RBPMS2: variants seen among roughly 807,000 people sequenced by gnomAD.
RBPMS2 encodes the protein RNA binding protein, mRNA processing factor 2.
In RBPMS2, 14 loss-of-function variants were observed where a neutral mutation model predicts 25.7. The observed-to-expected ratio is 0.55, with a 90% CI of 0.36 to 0.85. RBPMS2 has a LOEUF of 0.85. RBPMS2 is among the 40% of genes least tolerant of loss of function. RBPMS2 has a pLI of 0.01. For synonymous variants in RBPMS2, 127 were observed against 115.6 expected (o/e 1.10, Z -0.63); for missense variants, 252 against 283.4 (o/e 0.89, Z 0.80).
At chr15:64,748,860 G>A (rs1436662235) in intron 5 of RBPMS2, 140 bp downstream of exon 5, 2 of 941,328 alleles carry the variant, frequency 2.1e-6, no homozygotes, top group African/African-American at 1.7e-5. Flanking sequence ...TGCAGGGGAG[G>A]GAGGAAAACC....
chr15:64,760,372 T>C (rs1453062736), intron 1 of RBPMS2, among the ~76,000 whole-genome samples: 3 of 152,218 alleles, frequency 2.0e-5, no homozygotes, highest in Admixed American at 6.5e-5. Context: ...ACTTCTCAGA[T>C]ACTGTGACCA....
intron 1 of RBPMS2, among the ~76,000 whole-genome samples, chr15:64,768,110 C>G (rs531730940): frequency 3.3e-5 from 5 of 152,208 alleles, no homozygotes; most frequent in African/African-American, 1.2e-4. Context: ...GAGCAAGAAT[C>G]GTTTCTTTAG....
Position 64,740,272 on chromosome 15 carries a change from C to T in RBPMS2, c.*736G>A, listed in dbSNP as rs1189638480. 2 of 152,216 alleles carry T rather than the reference C, an allele frequency of 1.3e-5. No homozygotes were observed. The highest frequency in any genetic ancestry group is 1.9e-4 in the East Asian group (1 of 5,200). 9.4% of individuals were successfully genotyped at this position (152,216 alleles called of 1,614,324 possible). A position where few individuals can be genotyped will look rare whatever the true frequency, so the allele number is the denominator to read the frequency against. On this transcript the variant is annotated 3_prime_UTR_variant, in exon 8 of 8. Transcript: ENST00000300069. The stretch of plus-strand genomic sequence containing the variant: ...ACACAGGGTACAAAAATACTTCTCA[C>T]GTTTTGGTTGGTTTCGAGGTTTGGA...
intron 6 of RBPMS2, among the ~76,000 whole-genome samples, chr15:64,742,972 G>C (rs1416265633): frequency 4.6e-5 from 7 of 152,220 alleles, no homozygotes; most frequent in African/African-American, 1.7e-4. Flanking sequence ...AGCTCAGCGG[G>C]AAGTTAGAAA....
chr15:64,773,738 A>G (rs2083907650), intron 1 of RBPMS2, among the ~76,000 whole-genome samples: 1 of 151,914 alleles, frequency 6.6e-6, no homozygotes, highest in Non-Finnish European at 1.5e-5. Context: ...TATAGGAGAC[A>G]TGCTCTCCCC....
Position 64,749,434 on chromosome 15 carries a change from C to T in RBPMS2, c.264G>A (p.Leu88=), listed in dbSNP as rs2083653831. 1 of 1,613,312 alleles carries T rather than the reference C, an allele frequency of 6.2e-7. No homozygotes were observed. Among genetic ancestry groups the T allele is most frequent in the Non-Finnish European group, 8.5e-7 (1 of 1,179,642 alleles). The part of the protein sequence containing the change: ...RAGAEAAKNA[L]NGIRFDPENP... ...GACCTGTTCTCCACCTACTCACGTT[C>T]AGCGCATTCTTGGCCGCTTCTGCTC... The change falls in exon 4 of 8, where the codon CTG becomes CTA. Residue 88 remains leucine (L), a synonymous_variant. Coordinates refer to ENST00000300069, the MANE Select transcript of RBPMS2 (RefSeq NM_194272.3).
chr15:64,772,558 A>T (rs2083899780), intron 1 of RBPMS2, among the ~76,000 whole-genome samples: 1 of 152,202 alleles, frequency 6.6e-6, no homozygotes, highest in Admixed American at 6.5e-5. Context: ...GCACTGCCTG[A>T]TATTGCTGCA....
chr15:64,772,022 C>T (rs1196104944), intron 1 of RBPMS2, among the ~76,000 whole-genome samples: 4 of 152,164 alleles, frequency 2.6e-5, no homozygotes, highest in African/African-American at 9.7e-5. Flanking sequence ...CTAGATTATT[C>T]ACAATACCTA....
intron 1 of RBPMS2, among the ~76,000 whole-genome samples, chr15:64,764,029 G>C (rs1378387579): frequency 1.3e-5 from 2 of 152,224 alleles, no homozygotes; most frequent in Non-Finnish European, 2.9e-5. Context: ...ACCAAACAGA[G>C]AATGAGCTGT....
At chr15:64,762,033 G>A (rs2083793886) in intron 1 of RBPMS2, among the ~76,000 whole-genome samples, 1 of 152,046 alleles carries the variant, frequency 6.6e-6, no homozygotes, top group Non-Finnish European at 1.5e-5. Context: ...TTAATTTTGT[G>A]TAGAGGTGGG....
At chr15:64,774,549 G>A (rs1315424737) in intron 1 of RBPMS2, among the ~76,000 whole-genome samples, 2 of 152,102 alleles carry the variant, frequency 1.3e-5, no homozygotes, top group African/African-American at 4.8e-5. Flanking sequence ...TCCCACCCAG[G>A]CCAGCTTTGG....
At chr15:64,772,641 C>A (rs1242950113) in intron 1 of RBPMS2, among the ~76,000 whole-genome samples, 1 of 152,140 alleles carries the variant, frequency 6.6e-6, no homozygotes, top group South Asian at 2.1e-4. Flanking sequence ...CTTATACATG[C>A]GACTCCCTCC....
intron 6 of RBPMS2, among the ~76,000 whole-genome samples, chr15:64,743,334 G>A (rs1365401275): frequency 2.0e-5 from 3 of 152,260 alleles, no homozygotes; most frequent in Non-Finnish European, 4.4e-5. Flanking sequence ...AAGGTGCTGG[G>A]ATTCCTGCTT....
At chr15:64,772,305 G>A (rs1274442309) in intron 1 of RBPMS2, among the ~76,000 whole-genome samples, 2 of 152,074 alleles carry the variant, frequency 1.3e-5, no homozygotes, top group Non-Finnish European at 1.5e-5. Flanking sequence ...AGCCTGCCCC[G>A]GACAGGTTCA....
intron 1 of RBPMS2, among the ~76,000 whole-genome samples, chr15:64,756,146 C>T (rs2083729702): frequency 6.6e-6 from 1 of 152,218 alleles, no homozygotes; most frequent in East Asian, 1.9e-4. Flanking sequence ...CCCATCTCTA[C>T]ACACCTCAGT....
intron 6 of RBPMS2, among the ~76,000 whole-genome samples, chr15:64,743,419 T>C (rs1351546938): frequency 1.3e-5 from 2 of 152,282 alleles, no homozygotes; most frequent in African/African-American, 4.8e-5. Context: ...ATATTTGGGC[T>C]TGGGACAGCT....
chr15:64,742,726 G>T (rs1192688404), intron 6 of RBPMS2, among the ~76,000 whole-genome samples: 1 of 152,198 alleles, frequency 6.6e-6, no homozygotes, highest in Non-Finnish European at 1.5e-5. Context: ...AAGGGAAGGG[G>T]CAGCACATGA....
chr15:64,763,787 G>C (rs921289870), intron 1 of RBPMS2, among the ~76,000 whole-genome samples: 1 of 149,820 alleles, frequency 6.7e-6, no homozygotes, highest in Non-Finnish European at 1.5e-5. Context: ...ATGTGTCCTA[G>C]ACTTCCAATG....
intron 4 of RBPMS2, 29 bp from the exon 5 acceptor site, chr15:64,749,179 G>T (rs911982984): frequency 1.2e-6 from 2 of 1,613,178 alleles, no homozygotes; most frequent in African/African-American, 2.7e-5. Context: ...GAAGAGAAAG[G>T]CTTACTCCGG....
Sources: gnomAD v4.1 joint callset for allele counts (sites outside exome capture counted in the v4.1 genomes callset) on GRCh38, gnomAD v4.1.1 for gene constraint, MANE v1.5 for transcripts, NCBI Gene and HGNC (gene_info 2026-07-23, HGNC 2026-07-21) for gene names.